Variants in CADPS observed in about 807,000 individuals in gnomAD.
The protein encoded by CADPS is calcium dependent secretion activator, also known as calcium-dependent secretion activator 1.
Under a neutral mutation model 167.3 loss-of-function variants are expected in CADPS, and 57 were observed. The observed-to-expected ratio is 0.34, with a 90% CI of 0.28 to 0.42. CADPS has a LOEUF of 0.42. Ranked by LOEUF, CADPS falls within the 20% of genes least tolerant of loss-of-function variation. The probability of loss-of-function intolerance (pLI) is 1.00; values close to 1 mark genes in which losing one functional copy is unlikely to be tolerated. For missense variants in CADPS, 1,414 were observed against 1,738.1 expected (o/e 0.81, Z 3.32); for synonymous variants, 676 against 635.3 (o/e 1.06, Z -0.96).
chr3:62,599,094 C>G (rs1562691895), intron 6 of CADPS, among the ~76,000 whole-genome samples: 1 of 152,024 alleles, frequency 6.6e-6, no homozygotes, highest in Non-Finnish European at 1.5e-5. Flanking sequence ...AGATGAATAC[C>G]TCTTTAAAGT....
intron 28 of CADPS, among the ~76,000 whole-genome samples, chr3:62,409,411 G>A (rs2048523524): frequency 1.3e-5 from 2 of 152,238 alleles, no homozygotes; most frequent in African/African-American, 4.8e-5. Context: ...TTGGCTTGGT[G>A]TCGGAAAGAT....
intron 2 of CADPS, among the ~76,000 whole-genome samples, chr3:62,754,534 A>C (rs996033781): frequency 3.9e-5 from 6 of 152,106 alleles, no homozygotes; most frequent in Non-Finnish European, 8.8e-5. Context: ...TCTGTTATGT[A>C]AGCCAGACTT....
At chr3:62,574,629 G>A (rs1236953418) in intron 8 of CADPS, among the ~76,000 whole-genome samples, 1 of 152,196 alleles carries the variant, frequency 6.6e-6, no homozygotes, top group Non-Finnish European at 1.5e-5. Context: ...GGGAGGTTCA[G>A]CCAGGGCTAA....
intron 14 of CADPS, 82 bp downstream of exon 14, chr3:62,518,067 A>T: frequency 1.1e-6 from 1 of 884,014 alleles, no homozygotes; most frequent in Non-Finnish European, 1.9e-6. Context: ...TGGTAGATTT[A>T]CAGTTTTGGA....
chr3:62,869,418 C>A (rs990370660), intron 1 of CADPS, among the ~76,000 whole-genome samples: 4 of 152,118 alleles, frequency 2.6e-5, no homozygotes, highest in Non-Finnish European at 5.9e-5. Flanking sequence ...CATTGCCTAA[C>A]AGTGACTCTT....
intron 1 of CADPS, among the ~76,000 whole-genome samples, chr3:62,846,776 G>C (rs189980380): frequency 1.3e-5 from 2 of 152,158 alleles, no homozygotes; most frequent in Admixed American, 1.3e-4. Context: ...CAATTCTTTT[G>C]ATTCAGCCTC....
intron 8 of CADPS, 145 bp downstream of exon 8, chr3:62,585,040 A>G (rs761363217): frequency 2.9e-5 from 22 of 763,530 alleles, no homozygotes; most frequent in Non-Finnish European, 4.3e-5. Flanking sequence ...AGTTTACAGT[A>G]AATATCAAAG....
intron 4 of CADPS, among the ~76,000 whole-genome samples, chr3:62,652,153 G>A (rs910572172): frequency 1.3e-5 from 2 of 152,108 alleles, no homozygotes; most frequent in African/African-American, 2.4e-5. Context: ...GCTATCTAAC[G>A]GAAAAGTGAA....
intron 5 of CADPS, 148 bp from the exon 6 acceptor site, chr3:62,645,991 G>A (rs773680892): frequency 2.5e-6 from 2 of 806,248 alleles, no homozygotes; most frequent in Non-Finnish European, 3.9e-6. Context: ...GCTGGGACCA[G>A]TCTAGCACGA....
rs911842159 is a variant in CADPS, at chr3:62,567,668, G to A, written c.1644+3204C>T. Among the ~76,000 whole-genome samples the A allele has an allele frequency of 3.6e-4, 53 of 146,068 alleles. 1 individual carries two copies. The highest frequency in any genetic ancestry group is 1.3e-3 in the African/African-American group (49 of 38,338). On this transcript the variant is annotated intron_variant, in intron 9 of 29. Transcript: ENST00000383710. ...CAGCTCACTGCAGCCTCCGCCTCCTGGGTTCAAGCAATTCTCCTGCCTCCG... is the reference window on the plus strand; with the variant it reads ...CAGCTCACTGCAGCCTCCGCCTCCTAGGTTCAAGCAATTCTCCTGCCTCCG...
intron 6 of CADPS, among the ~76,000 whole-genome samples, chr3:62,596,095 AC>A (rs2058885576): frequency 5.8e-4 from 2 of 3,436 alleles, no homozygotes; most frequent in Admixed American, 5.7e-3. Context: ...GTATACACAC[AC>A]ACACACACAC....
intron 6 of CADPS, among the ~76,000 whole-genome samples, chr3:62,610,704 G>C (rs1053849021): frequency 6.6e-6 from 1 of 152,120 alleles, no homozygotes; most frequent in Non-Finnish European, 1.5e-5. Flanking sequence ...TAACTACTTA[G>C]AATCATTTGA....
intron 3 of CADPS, among the ~76,000 whole-genome samples, chr3:62,710,254 G>A (rs1159721794): frequency 6.6e-6 from 1 of 151,836 alleles, no homozygotes; most frequent in East Asian, 1.9e-4. Flanking sequence ...TCTCAATCCT[G>A]GATGCACGCT....
chr3:62,521,803 G>A (rs943351347), intron 13 of CADPS, among the ~76,000 whole-genome samples: 3 of 152,140 alleles, frequency 2.0e-5, no homozygotes, highest in Non-Finnish European at 2.9e-5. Flanking sequence ...GGCCACTCTC[G>A]TGTGAGGGTA....
At chr3:62,409,546 G>T (rs2048553661) in intron 28 of CADPS, among the ~76,000 whole-genome samples, 1 of 152,160 alleles carries the variant, frequency 6.6e-6, no homozygotes, top group Non-Finnish European at 1.5e-5. Context: ...GACTCTTAAG[G>T]GAAATGATAA....
At position 62,647,005 on chromosome 3, in the gene CADPS, C is replaced by T. The variant is rs1181911861; in HGVS notation, c.1204-1162G>A. ...CTTCCTACCACCTCCCCAAACTCCA[C>T]GTAATCACCTACTATTCTGATATTT... On this transcript the variant is annotated intron_variant, in intron 5 of 29. Transcript: ENST00000383710. Among the ~76,000 whole-genome samples, 4 of 152,246 alleles carry T rather than the reference C, an allele frequency of 2.6e-5. No homozygotes were observed. The East Asian group carries it at 7.7e-4, about 29-fold the overall frequency.
At position 62,572,268 on chromosome 3, in the gene CADPS, C is replaced by G. The variant is rs149724035; in HGVS notation, c.1578-1330G>C. 4.8e-3 allele frequency among the ~76,000 whole-genome samples: 732 copies of G among 152,290 alleles called. 6 individuals are homozygous for G. Among genetic ancestry groups the G allele is most frequent in the African/African-American group, 0.015 (625 of 41,556 alleles). ...TCCTGGGTCCTTCTGTTTCCTCATC[C>G]TTATTCCTCAGTCGCCAAGTGCAGT... On this transcript the variant is annotated intron_variant, in intron 8 of 29. Coordinates refer to ENST00000383710, the MANE Select transcript of CADPS (RefSeq NM_003716.4).
intron 4 of CADPS, among the ~76,000 whole-genome samples, chr3:62,658,084 C>A (rs1202659172): frequency 6.6e-6 from 1 of 152,070 alleles, no homozygotes; most frequent in Non-Finnish European, 1.5e-5. Context: ...TTGGGGGAGT[C>A]CTGTCCTGGA....
chr3:62,723,311 G>A (rs536800103), intron 3 of CADPS, among the ~76,000 whole-genome samples: 3 of 152,274 alleles, frequency 2.0e-5, no homozygotes, highest in South Asian at 2.1e-4. Context: ...TGCTGAACCC[G>A]AGTGTGACCA....
Sources: gnomAD v4.1 joint callset for allele counts (sites outside exome capture counted in the v4.1 genomes callset) on GRCh38, gnomAD v4.1.1 for gene constraint, MANE v1.5 for transcripts, NCBI Gene and HGNC (gene_info 2026-07-23, HGNC 2026-07-21) for gene names.